Variants in FGF13 observed in about 807,000 individuals in gnomAD.
FGF13 encodes the protein fibroblast growth factor homologous factor 2.
A neutral mutation model predicts 19.5 loss-of-function variants in FGF13; 2 were observed. That is an observed-to-expected ratio of 0.10 (90% confidence interval 0.04 to 0.32). The LOEUF (loss-of-function observed/expected upper bound fraction) is 0.32. Ranked by LOEUF, FGF13 falls within the 10% of genes least tolerant of loss-of-function variation. The probability of loss-of-function intolerance (pLI) is 1.00; values close to 1 mark genes in which losing one functional copy is unlikely to be tolerated. For synonymous variants in FGF13, 72 were observed against 76.9 expected, an observed-to-expected ratio of 0.94 and a Z score of 0.33; for missense variants, 113 against 192.7, an observed-to-expected ratio of 0.59 and a Z score of 2.45.
At chrX:138,722,714 C>A (rs1235931734) in intron 1 of FGF13, among the ~76,000 whole-genome samples, 1 of 110,934 alleles carries the variant, frequency 9.0e-6, no homozygotes, top group East Asian at 2.8e-4. Context: ...TCTATAAAAC[C>A]TCTCTAGTGC....
At chrX:139,087,939 T>C (rs2083414766) in intron 1 of FGF13, among the ~76,000 whole-genome samples, 1 of 112,163 alleles carries the variant, frequency 8.9e-6, no homozygotes, top group South Asian at 3.7e-4. Context: ...TTCTCCACAG[T>C]TGAACAGTAC....
intron 1 of FGF13, among the ~76,000 whole-genome samples, chrX:138,721,234 T>TATG (rs2090145571): frequency 8.9e-6 from 1 of 111,865 alleles, no homozygotes; most frequent in Non-Finnish European, 1.9e-5. Flanking sequence ...AAATAATTTT[T>TATG]ATGATGATAA....
intron 3 of FGF13, among the ~76,000 whole-genome samples, chrX:138,771,670 T>C (rs780158527): frequency 9.1e-6 from 1 of 110,353 alleles, no homozygotes; most frequent in African/African-American, 3.3e-5. Context: ...TCTCCGGTCA[T>C]TCCCTGACTG....
chrX:138,688,261 C>G (rs1436470746), intron 3 of FGF13, among the ~76,000 whole-genome samples: 1 of 110,380 alleles, frequency 9.1e-6, no homozygotes, highest in Admixed American at 9.7e-5. Flanking sequence ...CCTCGCCCGG[C>G]CCCAAAAATT....
chrX:138,744,028 C>T (rs747007906), upstream of FGF13, among the ~76,000 whole-genome samples: 27 of 111,357 alleles, frequency 2.4e-4, no homozygotes, highest in Non-Finnish European at 4.9e-4. Context: ...TGAAGTCTAT[C>T]GCAATTGCCC....
intron 1 of FGF13, among the ~76,000 whole-genome samples, chrX:138,926,276 C>A (rs1208206649): frequency 3.6e-5 from 4 of 112,248 alleles, no homozygotes; most frequent in Admixed American, 9.4e-5. Flanking sequence ...TAATGCACTA[C>A]TGTGTTTAAG....
At chrX:138,958,679 A>T (rs1432403762) in intron 1 of FGF13, among the ~76,000 whole-genome samples, 2 of 111,746 alleles carry the variant, frequency 1.8e-5, no homozygotes, top group Non-Finnish European at 3.8e-5. Flanking sequence ...TAGGCTATTA[A>T]TTAGTGCCTC....
At chrX:139,086,295 C>T (rs755439743) in intron 1 of FGF13, among the ~76,000 whole-genome samples, 1 of 110,995 alleles carries the variant, frequency 9.0e-6, no homozygotes, top group Non-Finnish European at 1.9e-5. Context: ...CCTACTGCCC[C>T]CCAAACATAC....
intron 1 of FGF13, among the ~76,000 whole-genome samples, chrX:138,969,202 G>A (rs2091906191): frequency 8.9e-6 from 1 of 111,832 alleles, no homozygotes; most frequent in South Asian, 3.8e-4. Context: ...GACTTATTCT[G>A]TAGTATAGGT....
chrX:139,203,383 C>A (rs1443733880), intron 1 of FGF13: 1 of 109,872 alleles, frequency 9.1e-6, no homozygotes, highest in East Asian at 3.0e-4. Context: ...CAAAGCGCAG[C>A]GCGGGCGGCG....
At chrX:138,685,462 G>GA (rs202193254) in intron 3 of FGF13, among the ~76,000 whole-genome samples, 19 of 107,522 alleles carry the variant, frequency 1.8e-4, no homozygotes, top group East Asian at 8.7e-4. Flanking sequence ...TGTCATAAAT[G>GA]AAAAAAAAAT....
chrX:139,054,122 T>TC (rs1379345588), intron 1 of FGF13, among the ~76,000 whole-genome samples: 1 of 84,286 alleles, frequency 1.2e-5, no homozygotes, highest in African/African-American at 4.4e-5. Context: ...CGTGCCTTTT[T>TC]TTTTTTTTTT....
rs372963543 is a variant in FGF13 at position 138,666,862 on chromosome X, A to G, written c.403-31207T>C. On this transcript the variant is annotated intron_variant, in intron 3 of 4. Coordinates refer to ENST00000315930, the MANE Select transcript of FGF13 (RefSeq NM_004114.5). Reference sequence around the variant, plus strand: ...AAAGGTTGTACACATTTAGGTGTGAACAGTTCCTTGTTCCCAAAAACAAAA... The same window carrying G: ...AAAGGTTGTACACATTTAGGTGTGAGCAGTTCCTTGTTCCCAAAAACAAAA... Among the ~76,000 whole-genome samples the G allele has an allele frequency of 4.2e-4, 46 of 110,331 alleles. 4 individuals are homozygous for G. The highest frequency in any genetic ancestry group is 2.8e-3 in the East Asian group (10 of 3,512).
chrX:138,986,990 C>T (rs1197042473), intron 1 of FGF13, among the ~76,000 whole-genome samples: 1 of 111,668 alleles, frequency 9.0e-6, no homozygotes, highest in Admixed American at 9.5e-5. Flanking sequence ...ATAAACAAAA[C>T]CTGAAAAACC....
chrX:138,735,694 C>T (rs532474447), intron 1 of FGF13, among the ~76,000 whole-genome samples: 13 of 112,060 alleles, frequency 1.2e-4, no homozygotes, highest in East Asian at 8.5e-4. Context: ...TTAAATGTAA[C>T]CATTTTTAAC....
chrX:139,122,000 C>T (rs2083680470), intron 1 of FGF13, among the ~76,000 whole-genome samples: 1 of 111,370 alleles, frequency 9.0e-6, no homozygotes, highest in Non-Finnish European at 1.9e-5. Context: ...TTATCTGGTA[C>T]CTAGCCCTGC....
intron 3 of FGF13, among the ~76,000 whole-genome samples, chrX:138,820,596 C>T (rs371216968): frequency 2.7e-5 from 3 of 111,884 alleles, no homozygotes; most frequent in Non-Finnish European, 3.8e-5. Flanking sequence ...ATTTGGCTCA[C>T]GGGCTATAGT....
chrX:139,071,245 C>T (rs2092375746), intron 1 of FGF13, among the ~76,000 whole-genome samples: 1 of 111,024 alleles, frequency 9.0e-6, no homozygotes, highest in South Asian at 3.8e-4. Flanking sequence ...TTGTATTTAC[C>T]GTGTTGTCTC....
At chrX:139,100,031 G>A (rs1284868860) in intron 1 of FGF13, among the ~76,000 whole-genome samples, 1 of 72,846 alleles carries the variant, frequency 1.4e-5, no homozygotes, top group Admixed American at 1.6e-4. Flanking sequence ...TCCCATTACT[G>A]GGGAAAGCAA....
Sources: gnomAD v4.1 joint callset for allele counts (sites outside exome capture counted in the v4.1 genomes callset) on GRCh38, gnomAD v4.1.1 for gene constraint, MANE v1.5 for transcripts, NCBI Gene and HGNC (gene_info 2026-07-23, HGNC 2026-07-21) for gene names.